CBR4: variants seen among roughly 807,000 people sequenced by gnomAD.
CBR4 encodes the protein 3-oxoacyl-[acyl-carrier-protein] reductase.
CBR4 carries 22 observed loss-of-function variants against 21.0 expected under a neutral mutation model. That is an observed-to-expected ratio of 1.05 (90% CI 0.75 to 1.50). The LOEUF is 1.50. Ranked by LOEUF, CBR4 falls within the 40% of genes most tolerant of loss-of-function variation. The pLI, the probability that CBR4 is intolerant of heterozygous loss-of-function variation, is 0.00. For synonymous variants in CBR4, 100 were observed against 104.4 expected (o/e 0.96, Z 0.26); for missense variants, 302 against 286.3 (o/e 1.05, Z -0.40).
intron 2 of CBR4, chr4:168,924,884 T>TTCATG: frequency 6.4e-7 from 1 of 1,564,006 alleles, no homozygotes. Context: ...AAAATGATGC[T>TTCATG]TCATGTCCAA....
At chr4:169,001,975 T>A (rs1730486331) in intron 4 of CBR4, 96 bp downstream of exon 4, 1 of 1,143,798 alleles carries the variant, frequency 8.7e-7, no homozygotes. Flanking sequence ...TTTTACAAAC[T>A]ATTCTACCCA....
Position 169,007,629 on chromosome 4 carries a change from G to T in CBR4, c.263+7C>A, listed in dbSNP as rs749938209. ...ATATAAGAAACTTATTTAAATCTGT[G>T]ACCAACCTGTTAATACCAGCTGCAT... On this transcript the variant is annotated splice_region_variant and intron_variant, in intron 2 of 4. Coordinates refer to ENST00000306193, the MANE Select transcript of CBR4 (RefSeq NM_032783.5). 1.3e-6 allele frequency: 2 copies of T among 1,526,210 alleles called. No homozygotes were observed. The highest frequency in any genetic ancestry group is 2.2e-5 in the Admixed American group (1 of 44,550). 94.5% of individuals were successfully genotyped at this position (1,526,210 alleles called of 1,614,324 possible). A position where few individuals can be genotyped will look rare whatever the true frequency, so the allele number is the denominator to read the frequency against.
intron 2 of CBR4, among the ~76,000 whole-genome samples, chr4:168,947,090 T>A (rs1476888874): frequency 2.6e-5 from 4 of 152,128 alleles, no homozygotes; most frequent in African/African-American, 9.7e-5. Flanking sequence ...TCTACATGCC[T>A]CATAGACATA....
At chr4:168,935,964 C>A (rs1424513657) in intron 2 of CBR4, among the ~76,000 whole-genome samples, 1 of 152,166 alleles carries the variant, frequency 6.6e-6, no homozygotes, top group African/African-American at 2.4e-5. Flanking sequence ...TGCCTCCTGA[C>A]TGGGAGACAC....
intron 2 of CBR4, among the ~76,000 whole-genome samples, chr4:168,974,527 T>C (rs553263136): frequency 1.3e-5 from 2 of 152,298 alleles, no homozygotes; most frequent in African/African-American, 4.8e-5. Flanking sequence ...ATTTCTCTTA[T>C]TCCTCAGGAA....
At position 169,010,169 on chromosome 4, in the gene CBR4, C is replaced by G. The variant is rs1404682524; in HGVS notation, c.-80G>C. On this transcript the variant is annotated 5_prime_UTR_variant, in exon 1 of 5. Transcript: ENST00000306193. ...GTTCCCTCAGGCTTTTAAACAACCG[C>G]GGTTCCAAAAAAAAAAAAAAGAAAA... 144 of 1,006,640 alleles carry G rather than the reference C, an allele frequency of 1.4e-4. No individual in the cohort carries two copies. In the African/African-American group the frequency reaches 2.4e-3, roughly 17 times the overall value. 62.4% of individuals were successfully genotyped at this position (1,006,640 alleles called of 1,614,324 possible).
In CBR4 at chr4:168,961,981, AGGAGAGGAG is replaced by A. The variant is rs1268969130; in HGVS notation, n.169+40081_169+40089del. On this transcript the variant is annotated intron_variant and non_coding_transcript_variant, in intron 2 of 3. Coordinates refer to the CBR4 transcript ENST00000509108. ...AGGAGAGGAGAGGAGAGGAGAGGAG[AGGAGAGGAG>A]AGGAAAGGAAAGGAGAGGAGGAAGG... 1.8e-4 allele frequency among the ~76,000 whole-genome samples: 26 copies of A among 145,038 alleles called. No homozygotes were observed. In the East Asian group the frequency reaches 4.2e-3, roughly 24 times the overall value.
chr4:168,910,980 A>G (rs1758826525), intron 2 of CBR4, among the ~76,000 whole-genome samples: 1 of 152,204 alleles, frequency 6.6e-6, no homozygotes. Flanking sequence ...ATCTTGATGC[A>G]TGTCCATGCA....
chr4:168,946,617 C>T (rs1389591802), intron 2 of CBR4, among the ~76,000 whole-genome samples: 5 of 152,034 alleles, frequency 3.3e-5, no homozygotes, highest in African/African-American at 9.7e-5. Flanking sequence ...AAAATAGAGT[C>T]ATTTTTCATT....
At chr4:168,963,057 A>T (rs1256093751) in intron 2 of CBR4, among the ~76,000 whole-genome samples, 2 of 152,218 alleles carry the variant, frequency 1.3e-5, no homozygotes, top group Non-Finnish European at 2.9e-5. Context: ...TAATTGTCCA[A>T]ATAAAACTGT....
chr4:168,926,114 C>T, intron 2 of CBR4: 1 of 981,534 alleles, frequency 1.0e-6, no homozygotes, highest in South Asian at 2.0e-5. Flanking sequence ...TGTTCAGGTG[C>T]CTTGCATCTA....
intron 1 of CBR4, chr4:169,009,168 T>C: frequency 2.4e-6 from 1 of 409,914 alleles, no homozygotes; most frequent in Non-Finnish European, 4.7e-6. Flanking sequence ...AGTATAATTT[T>C]GTCCATTCTG....
At chr4:168,933,818 C>A (rs1266357523) in intron 2 of CBR4, among the ~76,000 whole-genome samples, 1 of 152,168 alleles carries the variant, frequency 6.6e-6, no homozygotes, top group Non-Finnish European at 1.5e-5. Context: ...AGTGTCCTAT[C>A]TGACCACAAT....
intron 2 of CBR4, among the ~76,000 whole-genome samples, chr4:168,953,248 C>T (rs1763593558): frequency 6.6e-6 from 1 of 151,646 alleles, no homozygotes; most frequent in Non-Finnish European, 1.5e-5. Context: ...TCCGAAAGGC[C>T]GGTCTTACTC....
intron 2 of CBR4, among the ~76,000 whole-genome samples, chr4:168,952,252 A>G (rs1763561949): frequency 6.6e-6 from 1 of 151,928 alleles, no homozygotes; most frequent in Admixed American, 6.6e-5. Flanking sequence ...AGTGTGACCA[A>G]TATTTCCTGA....
rs752036416 is a variant in CBR4, at chr4:169,009,932, C to G, written c.142+16G>C. The G allele has an allele frequency of 2.5e-6, 4 of 1,606,488 alleles. No homozygotes were observed. Among genetic ancestry groups the G allele is most frequent in the Non-Finnish European group, 3.4e-6 (4 of 1,176,872 alleles). ...ACCGCGGCCATACAACTGGACAACTCCAGTTTGGTACCTACCGCCGAGGTC... is the reference window on the plus strand; with the variant it reads ...ACCGCGGCCATACAACTGGACAACTGCAGTTTGGTACCTACCGCCGAGGTC... On this transcript the variant is annotated intron_variant, in intron 1 of 4. Coordinates refer to ENST00000306193, the MANE Select transcript of CBR4 (RefSeq NM_032783.5).
chr4:168,984,366 C>T (rs1444279392), downstream of CBR4, among the ~76,000 whole-genome samples: 2 of 151,886 alleles, frequency 1.3e-5, no homozygotes, highest in Non-Finnish European at 2.9e-5. Context: ...AGCAATTCTA[C>T]AATGAGAATT....
chr4:168,971,246 T>C (rs185067804), intron 2 of CBR4, among the ~76,000 whole-genome samples: 1 of 152,142 alleles, frequency 6.6e-6, no homozygotes, highest in Admixed American at 6.5e-5. Flanking sequence ...TTTTTTCATA[T>C]GTTTCTTGGC....
At chr4:168,922,102 T>TACACACACAC (rs35503011) in intron 2 of CBR4, among the ~76,000 whole-genome samples, 5 of 132,604 alleles carry the variant, frequency 3.8e-5, no homozygotes, top group Non-Finnish European at 6.3e-5. Flanking sequence ...TATATATATA[T>TACACACACAC]ACACACACAC....
Sources: allele counts gnomAD v4.1 joint callset (sites outside exome capture counted in the v4.1 genomes callset), GRCh38; gene constraint gnomAD v4.1.1; transcripts MANE v1.5; gene names NCBI Gene and HGNC (gene_info 2026-07-23, HGNC 2026-07-21).